NRXN3: variants seen among roughly 807,000 people sequenced by gnomAD.
The protein encoded by NRXN3 is neurexin III.
Under a neutral mutation model 137.6 loss-of-function variants are expected in NRXN3, and 32 were observed. The observed-to-expected ratio is 0.23, with a 90% CI of 0.18 to 0.31. NRXN3 has a LOEUF of 0.31. NRXN3 is among the 10% of genes least tolerant of loss of function. NRXN3 has a pLI of 1.00. For synonymous variants in NRXN3, 798 were observed against 784.5 expected, an observed-to-expected ratio of 1.02 and a Z score of -0.29; for missense variants, 1,574 against 2,062.5, an observed-to-expected ratio of 0.76 and a Z score of 4.59.
chr14:78,935,737 A>T (rs1454679298), intron 10 of NRXN3, among the ~76,000 whole-genome samples: 1 of 152,130 alleles, frequency 6.6e-6, no homozygotes, highest in African/African-American at 2.4e-5. Context: ...TTTAAAATAG[A>T]GCTAATAGCT....
chr14:78,381,694 G>A (rs2089156955), intron 4 of NRXN3, among the ~76,000 whole-genome samples: 1 of 152,150 alleles, frequency 6.6e-6, no homozygotes, highest in African/African-American at 2.4e-5. Flanking sequence ...ATCCATCAAT[G>A]AGTGAATGGT....
At chr14:79,473,958 C>G (rs1382717254) in intron 16 of NRXN3, among the ~76,000 whole-genome samples, 1 of 152,182 alleles carries the variant, frequency 6.6e-6, no homozygotes, top group African/African-American at 2.4e-5. Context: ...GGACTAGAGG[C>G]AGCTCTCTGC....
intron 4 of NRXN3, among the ~76,000 whole-genome samples, chr14:78,593,114 TA>T (rs2097130866): frequency 6.6e-6 from 1 of 152,222 alleles, no homozygotes; most frequent in African/African-American, 2.4e-5. Context: ...GCAAAGCTAT[TA>T]GCAATGCACA....
chr14:79,487,671 T>C (rs11850829), intron 16 of NRXN3, among the ~76,000 whole-genome samples: 5,111 of 146,692 alleles, frequency 0.035, 282 homozygotes, highest in African/African-American at 0.13. Flanking sequence ...CAGGGGTAAC[T>C]GTCCATCTGT....
intron 6 of NRXN3, among the ~76,000 whole-genome samples, chr14:78,674,258 CT>C (rs1266544893): frequency 4.6e-5 from 7 of 152,186 alleles, no homozygotes; most frequent in African/African-American, 1.7e-4. Flanking sequence ...TCTTTCAAAT[CT>C]ATTTGCTTAT....
At chr14:79,368,548 T>C (rs2093980465) in intron 15 of NRXN3, among the ~76,000 whole-genome samples, 1 of 152,232 alleles carries the variant, frequency 6.6e-6, no homozygotes, top group African/African-American at 2.4e-5. Context: ...TCTTGGCTCA[T>C]TCTCAGTCAA....
intron 2 of NRXN3, among the ~76,000 whole-genome samples, chr14:78,251,375 C>T (rs575015994): frequency 2.0e-5 from 3 of 152,316 alleles, no homozygotes; most frequent in South Asian, 2.1e-4. Context: ...CTAAGCCTTT[C>T]GTACATTCTC....
intron 8 of NRXN3, among the ~76,000 whole-genome samples, chr14:78,759,125 G>C (rs1050573276): frequency 5.9e-5 from 9 of 152,150 alleles, no homozygotes; most frequent in African/African-American, 1.9e-4. Flanking sequence ...CCAGATGTTA[G>C]GCACTTTAGG....
chr14:79,234,600 G>T (rs1403061296), intron 15 of NRXN3, among the ~76,000 whole-genome samples: 2 of 151,388 alleles, frequency 1.3e-5, no homozygotes, highest in African/African-American at 4.9e-5. Flanking sequence ...GGCCAGGATG[G>T]TCTCAAATTC....
chr14:78,207,974 TA>T (rs2062375956), intron 1 of NRXN3, among the ~76,000 whole-genome samples: 1 of 152,230 alleles, frequency 6.6e-6, no homozygotes, highest in Admixed American at 6.5e-5. Context: ...TAATGTAGCC[TA>T]GGCAGTGGCT....
At chr14:79,710,087 GTT>G (rs2098797526) in intron 19 of NRXN3, among the ~76,000 whole-genome samples, 1 of 152,034 alleles carries the variant, frequency 6.6e-6, no homozygotes, top group African/African-American at 2.4e-5. Context: ...TTGTTTTATT[GTT>G]GCTGTTGTTT....
intron 10 of NRXN3, among the ~76,000 whole-genome samples, chr14:78,873,976 C>CT (rs3034392): frequency 0.084 from 11,780 of 140,734 alleles, 1,039 homozygotes; most frequent in African/African-American, 0.22. Context: ...TCTTTTCTTT[C>CT]TTTTTTTTTT....
chr14:79,852,234 A>AC (rs1555793046), intron 20 of NRXN3, among the ~76,000 whole-genome samples: 146 of 128,262 alleles, frequency 1.1e-3, no homozygotes, highest in African/African-American at 4.0e-3. Flanking sequence ...TTCAACTCCC[A>AC]ACACACACAC....
intron 15 of NRXN3, among the ~76,000 whole-genome samples, chr14:79,266,254 C>G (rs940738417): frequency 1.3e-5 from 2 of 152,094 alleles, no homozygotes; most frequent in Non-Finnish European, 2.9e-5. Flanking sequence ...ATACGTAATA[C>G]AGTCCTTTCT....
intron 10 of NRXN3, among the ~76,000 whole-genome samples, chr14:78,930,439 T>A (rs953911961): frequency 7.2e-5 from 11 of 152,220 alleles, no homozygotes; most frequent in Non-Finnish European, 1.5e-4. Context: ...AGGAGGATTC[T>A]AACAAGCACT....
intron 16 of NRXN3, among the ~76,000 whole-genome samples, chr14:79,520,071 A>T (rs775331501): frequency 1.3e-5 from 2 of 151,824 alleles, no homozygotes; most frequent in Admixed American, 6.6e-5. Context: ...TTTTTATTTC[A>T]TTTGGTTCAT....
intron 15 of NRXN3, among the ~76,000 whole-genome samples, chr14:79,373,845 T>G (rs2094183654): frequency 6.6e-6 from 1 of 152,188 alleles, no homozygotes; most frequent in Admixed American, 6.6e-5. Flanking sequence ...TCCCACGAGC[T>G]TACTATCTAT....
intron 4 of NRXN3, among the ~76,000 whole-genome samples, chr14:78,443,386 A>G (rs1598739591): frequency 6.6e-6 from 1 of 152,220 alleles, no homozygotes; most frequent in East Asian, 1.9e-4. Flanking sequence ...GCGCTCTGCC[A>G]GCTGTTATCC....
chr14:79,651,255 T>C (rs1170418580), intron 16 of NRXN3, among the ~76,000 whole-genome samples: 1 of 152,116 alleles, frequency 6.6e-6, no homozygotes, highest in African/African-American at 2.4e-5. Context: ...TTTGGTAGAC[T>C]ATGTGAAACA....
Sources: allele counts gnomAD v4.1 joint callset (sites outside exome capture counted in the v4.1 genomes callset), GRCh38; gene constraint gnomAD v4.1.1; transcripts MANE v1.5; gene names NCBI Gene and HGNC (gene_info 2026-07-23, HGNC 2026-07-21).